Variants in ZMAT4 observed in about 807,000 individuals in gnomAD.
The protein encoded by ZMAT4 is zinc finger matrin-type 4, also known as zinc finger matrin-type protein 4.
Under a neutral mutation model 28.7 loss-of-function variants are expected in ZMAT4, and 17 were observed. The observed-to-expected ratio is 0.59, with a 90% CI of 0.41 to 0.89. ZMAT4 has a LOEUF of 0.89. Among genes scored for constraint, ZMAT4 ranks in the 40% least tolerant of loss-of-function variants. ZMAT4 has a pLI of 0.00. For missense variants in ZMAT4, 240 were observed against 283.8 expected (o/e 0.85, Z 1.11); for synonymous variants, 117 against 109.2 (o/e 1.07, Z -0.44).
chr8:40,723,397 G>A (rs1308838003), intron 3 of ZMAT4, among the ~76,000 whole-genome samples: 5 of 151,874 alleles, frequency 3.3e-5, no homozygotes, highest in Non-Finnish European at 7.4e-5. Flanking sequence ...ACAAAAATTA[G>A]CTCGGCATGG....
At chr8:40,618,013 C>T (rs1445349557) in intron 5 of ZMAT4, among the ~76,000 whole-genome samples, 1 of 152,164 alleles carries the variant, frequency 6.6e-6, no homozygotes, top group African/African-American at 2.4e-5. Flanking sequence ...CAAATTCTAC[C>T]ACACTCTCTA....
chr8:40,614,291 C>A (rs1410469580), intron 5 of ZMAT4, among the ~76,000 whole-genome samples: 1 of 152,204 alleles, frequency 6.6e-6, no homozygotes, highest in Non-Finnish European at 1.5e-5. Context: ...ATCCTCTTTA[C>A]AATAACATAA....
intron 3 of ZMAT4, among the ~76,000 whole-genome samples, chr8:40,748,489 G>T (rs1459644716): frequency 1.3e-5 from 2 of 152,156 alleles, no homozygotes; most frequent in African/African-American, 4.8e-5. Flanking sequence ...CACAGTTCAG[G>T]GCTGTGTGTG....
At chr8:40,691,890 C>G (rs1781871585) in intron 4 of ZMAT4, among the ~76,000 whole-genome samples, 1 of 152,096 alleles carries the variant, frequency 6.6e-6, no homozygotes, top group Non-Finnish European at 1.5e-5. Flanking sequence ...TTTGTGGCCT[C>G]TGGTATTTGG....
chr8:40,820,902 T>TG (rs1473749834), intron 2 of ZMAT4, among the ~76,000 whole-genome samples: 17 of 62,596 alleles, frequency 2.7e-4, no homozygotes, highest in Non-Finnish European at 4.0e-4. Flanking sequence ...TATGTGTGTG[T>TG]TTGTGTGTAT....
intron 1 of ZMAT4, among the ~76,000 whole-genome samples, chr8:40,862,600 A>G (rs931500013): frequency 1.6e-5 from 2 of 127,342 alleles, no homozygotes; most frequent in South Asian, 2.3e-4. Flanking sequence ...AAAAAAAAAA[A>G]GAAAATTTGG....
intron 1 of ZMAT4, among the ~76,000 whole-genome samples, chr8:40,849,318 G>C (rs370462896): frequency 6.6e-6 from 1 of 152,164 alleles, no homozygotes; most frequent in Non-Finnish European, 1.5e-5. Context: ...CAGAAAAACA[G>C]GCTTCCCTTC....
At chr8:40,784,062 C>A (rs1366159204) in intron 2 of ZMAT4, among the ~76,000 whole-genome samples, 2 of 151,772 alleles carry the variant, frequency 1.3e-5, no homozygotes, top group Non-Finnish European at 1.5e-5. Context: ...CTCTTCTCTA[C>A]CACCACCACC....
intron 3 of ZMAT4, among the ~76,000 whole-genome samples, chr8:40,754,226 T>C (rs975993587): frequency 6.7e-6 from 1 of 150,300 alleles, no homozygotes; most frequent in Non-Finnish European, 1.5e-5. Context: ...CAAGAGAGTA[T>C]ATGCAATGAT....
At chr8:40,864,046 C>A (rs1817593454) in intron 1 of ZMAT4, among the ~76,000 whole-genome samples, 2 of 152,238 alleles carry the variant, frequency 1.3e-5, no homozygotes, top group Non-Finnish European at 2.9e-5. Context: ...ATGTGCACTG[C>A]ATGGAATCTG....
intron 1 of ZMAT4, among the ~76,000 whole-genome samples, chr8:40,859,368 C>T (rs113995391): frequency 5.6e-4 from 85 of 152,250 alleles, no homozygotes; most frequent in Non-Finnish European, 9.6e-4. Context: ...TTTTTCCATC[C>T]TCCTCCCCTG....
At chr8:40,654,197 C>G (rs1202683995) in intron 5 of ZMAT4, among the ~76,000 whole-genome samples, 1 of 152,166 alleles carries the variant, frequency 6.6e-6, no homozygotes, top group Non-Finnish European at 1.5e-5. Flanking sequence ...CTTCATGGCT[C>G]TCTAGCCCAG....
chr8:40,609,139 A>T (rs1251039091), intron 5 of ZMAT4, among the ~76,000 whole-genome samples: 4 of 152,230 alleles, frequency 2.6e-5, no homozygotes, highest in South Asian at 2.1e-4. Flanking sequence ...ATTGCAGACC[A>T]TACTTTAGCA....
chr8:40,669,193 A>T (rs2118883745), intron 5 of ZMAT4, among the ~76,000 whole-genome samples: 1 of 152,280 alleles, frequency 6.6e-6, no homozygotes, highest in Middle Eastern at 3.4e-3. Context: ...GTGCCAGATG[A>T]CGAGGAAGAA....
intron 1 of ZMAT4, among the ~76,000 whole-genome samples, chr8:40,872,702 T>C (rs1817905620): frequency 6.6e-6 from 1 of 152,056 alleles, no homozygotes; most frequent in Non-Finnish European, 1.5e-5. Context: ...TGCAACATTC[T>C]GGGTGCTTAG....
chr8:40,623,332 A>C (rs879408410), intron 5 of ZMAT4, among the ~76,000 whole-genome samples: 4 of 152,228 alleles, frequency 2.6e-5, no homozygotes, highest in Non-Finnish European at 5.9e-5. Flanking sequence ...CTCTAGGCAA[A>C]CACTGTAAGC....
At chr8:40,697,793 T>G (rs917334292) in intron 3 of ZMAT4, among the ~76,000 whole-genome samples, 1 of 150,964 alleles carries the variant, frequency 6.6e-6, no homozygotes, top group Non-Finnish European at 1.5e-5. Context: ...TGACTGACTT[T>G]GACATACAGT....
intron 3 of ZMAT4, among the ~76,000 whole-genome samples, chr8:40,723,372 G>A (rs556493692): frequency 6.4e-4 from 97 of 151,794 alleles, no homozygotes; most frequent in East Asian, 2.5e-3. Flanking sequence ...GTGAAACCCC[G>A]TCTCTACCAA....
chr8:40,715,678 C>A (rs1810820297), intron 3 of ZMAT4, among the ~76,000 whole-genome samples: 1 of 152,118 alleles, frequency 6.6e-6, no homozygotes, highest in Non-Finnish European at 1.5e-5. Flanking sequence ...AGAGTGTGTG[C>A]TTTACGAGAT....
Sources: allele counts gnomAD v4.1 joint callset (sites outside exome capture counted in the v4.1 genomes callset), GRCh38; gene constraint gnomAD v4.1.1; transcripts MANE v1.5; gene names NCBI Gene and HGNC (gene_info 2026-07-23, HGNC 2026-07-21).